PKHD1: variants seen among roughly 807,000 people sequenced by gnomAD.
PKHD1 encodes PKHD1 ciliary IPT domain containing fibrocystin/polyductin, also known as fibrocystin.
In PKHD1, 291 loss-of-function variants were observed where a neutral mutation model predicts 412.0. The observed-to-expected ratio is 0.71, with a 90% CI of 0.64 to 0.78. The LOEUF is 0.78. PKHD1 is among the 30% of genes least tolerant of loss of function. The pLI is 0.00. For missense variants in PKHD1, 4,825 were observed against 4,950.7 expected, an observed-to-expected ratio of 0.97 and a Z score of 0.76; for synonymous variants, 1,777 against 1,821.5, an observed-to-expected ratio of 0.98 and a Z score of 0.62.
rs1161554442 is a variant in PKHD1, at chr6:52,053,136, C to A, written c.2080G>T (p.Ala694Ser). The A allele has an allele frequency of 1.9e-6, 3 of 1,614,102 alleles. No individual in the cohort carries two copies. In the South Asian group the frequency reaches 3.3e-5, roughly 18 times the overall value. The change falls in exon 21 of 67, where the codon GCC (alanine) becomes TCC (serine). Residue 694 changes from alanine to serine, a missense_variant. Transcript: ENST00000371117. Reference sequence around the variant, plus strand: ...ACATAGAACAGGCCCGTCTCCTGGGCCAGAGGGAGAAGGTTGATCTGATGA... The same window carrying A: ...ACATAGAACAGGCCCGTCTCCTGGGACAGAGGGAGAAGGTTGATCTGATGA... ...LVHQINLLPL[A>S]QETGLFYVDE...
At chr6:52,022,221 T>C (rs1405762215) in intron 33 of PKHD1, among the ~76,000 whole-genome samples, 2 of 152,230 alleles carry the variant, frequency 1.3e-5, no homozygotes, top group South Asian at 2.1e-4. Flanking sequence ...ACTACGCAGC[T>C]TAAAGTAGTG....
intron 52 of PKHD1, among the ~76,000 whole-genome samples, chr6:51,808,396 T>C (rs1278001638): frequency 6.6e-6 from 1 of 152,116 alleles, no homozygotes; most frequent in African/African-American, 2.4e-5. Context: ...CTTTTTCTCT[T>C]TGAATTTTGA....
At chr6:51,630,987 T>C (rs1193565907) in intron 65 of PKHD1, among the ~76,000 whole-genome samples, 2 of 152,122 alleles carry the variant, frequency 1.3e-5, no homozygotes, top group Non-Finnish European at 2.9e-5. Context: ...GTAATAGATA[T>C]ATTTGTAAAC....
intron 60 of PKHD1, among the ~76,000 whole-genome samples, chr6:51,667,542 T>G (rs1234381478): frequency 9.9e-5 from 15 of 151,962 alleles, no homozygotes; most frequent in Non-Finnish European, 1.5e-4. Context: ...AGAAGCTCTT[T>G]AGTTTAATTA....
intron 49 of PKHD1, among the ~76,000 whole-genome samples, chr6:51,849,544 T>A (rs948250421): frequency 6.6e-6 from 1 of 152,202 alleles, no homozygotes; most frequent in Non-Finnish European, 1.5e-5. Flanking sequence ...CTCCACAGCC[T>A]CACCAGCTTT....
At chr6:51,740,007 A>G (rs760585141) in intron 60 of PKHD1, 4 of 518,856 alleles carry the variant, frequency 7.7e-6, no homozygotes, top group African/African-American at 1.9e-5. Flanking sequence ...ATTAATTTCA[A>G]TGCTTTGTTC....
chr6:52,044,777 C>T (rs1805509244), intron 25 of PKHD1, among the ~76,000 whole-genome samples, 189 bp downstream of exon 25: 1 of 152,068 alleles, frequency 6.6e-6, no homozygotes, highest in East Asian at 1.9e-4. Flanking sequence ...GGTTACAAGG[C>T]ATTTATATTT....
intron 35 of PKHD1, among the ~76,000 whole-genome samples, chr6:51,991,911 C>A (rs1206255907): frequency 1.3e-5 from 2 of 152,202 alleles, no homozygotes. Flanking sequence ...TATACTTCTA[C>A]ACCCAATGCC....
intron 52 of PKHD1, among the ~76,000 whole-genome samples, chr6:51,798,487 A>C (rs1794932808): frequency 6.6e-6 from 1 of 152,144 alleles, no homozygotes; most frequent in Non-Finnish European, 1.5e-5. Flanking sequence ...TTCCATTAAG[A>C]GGTCTGCTGT....
chr6:52,000,443 A>G (rs1798234834), intron 35 of PKHD1, among the ~76,000 whole-genome samples: 1 of 152,226 alleles, frequency 6.6e-6, no homozygotes, highest in Non-Finnish European at 1.5e-5. Context: ...ATAGTCAAAA[A>G]CAAAAATCCC....
At chr6:52,085,594 T>C (rs1384155180) in intron 1 of PKHD1, among the ~76,000 whole-genome samples, 1 of 152,204 alleles carries the variant, frequency 6.6e-6, no homozygotes, top group Non-Finnish European at 1.5e-5. Context: ...GCCATTCCAG[T>C]GCTCACCACC....
intron 60 of PKHD1, among the ~76,000 whole-genome samples, chr6:51,674,292 G>A (rs968507873): frequency 2.0e-5 from 3 of 152,162 alleles, no homozygotes; most frequent in Non-Finnish European, 2.9e-5. Flanking sequence ...ACAGACTAAC[G>A]AGTGTGGTGC....
In PKHD1 at chr6:51,753,192, T is replaced by C. The variant is rs1390628353; in HGVS notation, c.8950+9A>G. On this transcript the variant is annotated intron_variant, in intron 57 of 66. Transcript: ENST00000371117. ...CTGGTAATGGCCAATTACTTAAAATTTCATTTACCTGAAAATTCTTCTCGG... is the reference window on the plus strand; with the variant it reads ...CTGGTAATGGCCAATTACTTAAAATCTCATTTACCTGAAAATTCTTCTCGG... 4 of 1,613,116 alleles carry C rather than the reference T, an allele frequency of 2.5e-6. No homozygotes were observed.
chr6:51,633,285 T>G (rs1768145660), intron 64 of PKHD1, among the ~76,000 whole-genome samples: 1 of 152,174 alleles, frequency 6.6e-6, no homozygotes, highest in African/African-American at 2.4e-5. Context: ...AGTTCAACTC[T>G]GTAAGAATTC....
chr6:51,647,216 G>C (rs556073444), intron 63 of PKHD1, among the ~76,000 whole-genome samples: 1 of 152,058 alleles, frequency 6.6e-6, no homozygotes, highest in Admixed American at 6.6e-5. Context: ...TGTCTCTTTT[G>C]TCTCTTTGAG....
chr6:51,736,878 C>T (rs758868577), intron 60 of PKHD1, among the ~76,000 whole-genome samples: 12 of 152,136 alleles, frequency 7.9e-5, no homozygotes, highest in Non-Finnish European at 1.5e-4. Flanking sequence ...CAAGGTCTAG[C>T]AACAAAAAGT....
intron 9 of PKHD1, 37 bp downstream of exon 9, chr6:52,070,969 G>A (rs754883438): frequency 1.6e-5 from 21 of 1,290,194 alleles, no homozygotes; most frequent in Non-Finnish European, 2.4e-5. Context: ...GAAAGAAATG[G>A]ATAAGACTTT....
intron 21 of PKHD1, among the ~76,000 whole-genome samples, chr6:52,052,071 TC>T (rs1806945394): frequency 6.6e-6 from 1 of 152,188 alleles, no homozygotes; most frequent in African/African-American, 2.4e-5. Flanking sequence ...TCCCCTGCCT[TC>T]AGTACTGCAA....
chr6:52,049,417 A>G (rs1271881863), intron 22 of PKHD1, among the ~76,000 whole-genome samples: 1 of 152,266 alleles, frequency 6.6e-6, no homozygotes, highest in Non-Finnish European at 1.5e-5. Context: ...TATGTGGTGC[A>G]TGACTGTATA....
Sources: allele counts gnomAD v4.1 joint callset (sites outside exome capture counted in the v4.1 genomes callset), GRCh38; gene constraint gnomAD v4.1.1; transcripts MANE v1.5; gene names NCBI Gene and HGNC (gene_info 2026-07-23, HGNC 2026-07-21).